The following RNLS variants were observed in gnomAD, a reference collection of about 807,000 sequenced individuals.
RNLS encodes renalase, FAD dependent amine oxidase, also known as renalase.
In RNLS, 39 loss-of-function variants were observed where a neutral mutation model predicts 39.8. The observed-to-expected ratio is 0.98, with a 90% CI of 0.76 to 1.28. RNLS has a LOEUF of 1.28. Among genes scored for constraint, RNLS ranks in the 50% most tolerant of loss-of-function variants. The pLI, the probability that RNLS is intolerant of heterozygous loss-of-function variation, is 0.00. For synonymous variants in RNLS, 147 were observed against 150.7 expected, an observed-to-expected ratio of 0.98 and a Z score of 0.18; for missense variants, 410 against 413.3, an observed-to-expected ratio of 0.99 and a Z score of 0.07.
chr10:88,494,160 A>G (rs2134077718), intron 4 of RNLS, among the ~76,000 whole-genome samples: 1 of 152,330 alleles, frequency 6.6e-6, no homozygotes, highest in Admixed American at 6.5e-5. Flanking sequence ...GAGGATATTC[A>G]GATTTTGAAC....
At chr10:88,398,486 G>C (rs1025579384) in intron 4 of RNLS, among the ~76,000 whole-genome samples, 1 of 151,966 alleles carries the variant, frequency 6.6e-6, no homozygotes, top group Non-Finnish European at 1.5e-5. Context: ...TCATGGGCTG[G>C]TGGTTTACTA....
At chr10:88,308,913 T>C (rs897196604) in intron 6 of RNLS, among the ~76,000 whole-genome samples, 3 of 152,192 alleles carry the variant, frequency 2.0e-5, no homozygotes, top group African/African-American at 7.2e-5. Context: ...ATGTGATACA[T>C]CTACACCATG....
At chr10:88,563,536 A>G (rs1342280436) in intron 4 of RNLS, among the ~76,000 whole-genome samples, 1 of 152,158 alleles carries the variant, frequency 6.6e-6, no homozygotes, top group Non-Finnish European at 1.5e-5. Flanking sequence ...AAATCCACTG[A>G]ACAATTTCAC....
chr10:88,503,933 T>C (rs1845642162), intron 4 of RNLS, among the ~76,000 whole-genome samples: 1 of 152,188 alleles, frequency 6.6e-6, no homozygotes, highest in African/African-American at 2.4e-5. Flanking sequence ...TCTCTCATCA[T>C]ATTCTACAGG....
At chr10:88,510,150 A>G (rs75261769) in intron 4 of RNLS, among the ~76,000 whole-genome samples, 1 of 152,320 alleles carries the variant, frequency 6.6e-6, no homozygotes, top group East Asian at 1.9e-4. Context: ...TTAGGCTTTT[A>G]GATGAAGGAC....
intron 5 of RNLS, among the ~76,000 whole-genome samples, chr10:88,330,092 A>ATATAAATATATATAT: frequency 7.2e-6 from 1 of 138,234 alleles, no homozygotes; most frequent in East Asian, 2.0e-4. Context: ...TATATATATA[A>ATATAAATATATATAT]ATATAAATAT....
intron 4 of RNLS, among the ~76,000 whole-genome samples, chr10:88,526,891 A>G (rs1052646147): frequency 6.6e-6 from 1 of 152,094 alleles, no homozygotes; most frequent in African/African-American, 2.4e-5. Flanking sequence ...GCAGAACTGC[A>G]GAAATGTTAA....
At chr10:88,232,117 T>C in the RNLS span, among the ~76,000 whole-genome samples, 2 of 152,240 alleles carry the variant, frequency 1.3e-5, no homozygotes, top group East Asian at 1.9e-4. Context: ...CTTTTAATCA[T>C]CCAGGCAAGG....
chr10:88,541,380 G>A (rs1848034586), intron 4 of RNLS, among the ~76,000 whole-genome samples: 1 of 152,146 alleles, frequency 6.6e-6, no homozygotes, highest in African/African-American at 2.4e-5. Flanking sequence ...AATGAAAACA[G>A]ATACTTGGCC....
intron 4 of RNLS, among the ~76,000 whole-genome samples, chr10:88,372,064 T>G (rs542529237): frequency 6.6e-6 from 1 of 152,278 alleles, no homozygotes; most frequent in East Asian, 1.9e-4. Context: ...ATGACTTTTG[T>G]TCCCATAGGA....
chr10:88,365,032 C>A (rs202213973), intron 4 of RNLS, among the ~76,000 whole-genome samples: 1 of 152,182 alleles, frequency 6.6e-6, no homozygotes, highest in East Asian at 1.9e-4. Flanking sequence ...TCCCCACCCC[C>A]CTTTTTGCTA....
chr10:88,313,202 T>G (rs1401187648), intron 6 of RNLS, among the ~76,000 whole-genome samples: 1 of 152,222 alleles, frequency 6.6e-6, no homozygotes, highest in African/African-American at 2.4e-5. Flanking sequence ...AAGTAGATTT[T>G]AAATCCACTT....
rs577838661 is a variant in RNLS, at chr10:88,310,801, C to CAAAAAAAAAAAAAAAAA, written c.876+3648_876+3664dup. Among the ~76,000 whole-genome samples the CAAAAAAAAAAAAAAAAA allele has an allele frequency of 1.8e-3, 35 of 19,584 alleles. 1 individual carries two copies. The highest frequency in any genetic ancestry group is 0.014 in the East Asian group (6 of 436). The allele number at this position is 19,584 out of a possible 152,430, so 12.8% of individuals were successfully genotyped here. ...TGACAGATTTAGAGCCTACCTCTGCCAAAAAAAAAAAAAAAAAAAAAAAAA... is the reference window on the plus strand; with the variant it reads ...TGACAGATTTAGAGCCTACCTCTGCCAAAAAAAAAAAAAAAAAAAAAAAAAAAAAAAAAAAAAAAAAA... On this transcript the variant is annotated intron_variant, in intron 6 of 6. Transcript: ENST00000331772.
intron 4 of RNLS, among the ~76,000 whole-genome samples, chr10:88,405,637 G>A (rs1020267471): frequency 3.9e-5 from 6 of 151,970 alleles, no homozygotes; most frequent in Non-Finnish European, 8.8e-5. Flanking sequence ...TGTTTGGTGA[G>A]TTCTTATCCA....
intron 5 of RNLS, among the ~76,000 whole-genome samples, chr10:88,336,701 C>A (rs1847527680): frequency 6.6e-6 from 1 of 152,150 alleles, no homozygotes; most frequent in Admixed American, 6.5e-5. Context: ...CATTCACCAG[C>A]AATATAAACT....
intron 4 of RNLS, among the ~76,000 whole-genome samples, chr10:88,520,952 T>A: frequency 6.6e-6 from 1 of 152,030 alleles, no homozygotes; most frequent in Non-Finnish European, 1.5e-5. Flanking sequence ...TTCTTCCTCA[T>A]GGGATATCAT....
At chr10:88,408,931 A>T (rs1481611153) in intron 4 of RNLS, among the ~76,000 whole-genome samples, 4 of 152,166 alleles carry the variant, frequency 2.6e-5, no homozygotes, top group African/African-American at 9.6e-5. Flanking sequence ...AAATGTTTTT[A>T]AAAATGATGT....
intron 6 of RNLS, among the ~76,000 whole-genome samples, chr10:88,277,122 T>C (rs1168343070): frequency 6.6e-6 from 1 of 152,188 alleles, no homozygotes; most frequent in Non-Finnish European, 1.5e-5. Context: ...GTGGCACATA[T>C]ACACTATGGA....
intron 4 of RNLS, among the ~76,000 whole-genome samples, chr10:88,402,146 TC>T (rs776269697): frequency 1.3e-5 from 2 of 151,940 alleles, no homozygotes; most frequent in Admixed American, 1.3e-4. Flanking sequence ...GAGTTCTGAA[TC>T]AAAAAAATTT....
Sources: allele counts gnomAD v4.1 joint callset (sites outside exome capture counted in the v4.1 genomes callset), GRCh38; gene constraint gnomAD v4.1.1; transcripts MANE v1.5; gene names NCBI Gene and HGNC (gene_info 2026-07-23, HGNC 2026-07-21).